Variants in AMIGO2 observed in about 807,000 individuals in gnomAD.
The protein encoded by AMIGO2 is amphoterin-induced protein 2.
In AMIGO2, 15 loss-of-function variants were observed where a neutral mutation model predicts 23.7. The ratio of observed to expected loss-of-function variants is 0.63; its 90% CI spans 0.42 to 0.98. The LOEUF is 0.98. Ranked by LOEUF, AMIGO2 falls within the 50% of genes least tolerant of loss-of-function variation. AMIGO2 has a pLI of 0.00. For missense variants in AMIGO2, 561 were observed against 633.1 expected, an observed-to-expected ratio of 0.89 and a Z score of 1.22; for synonymous variants, 264 against 252.3, an observed-to-expected ratio of 1.05 and a Z score of -0.44.
rs772510114 is a variant in AMIGO2 at position 47,078,637 on chromosome 12, A to C, written c.366T>G (p.Leu122=). The C allele has an allele frequency of 2.5e-6, 4 of 1,614,264 alleles. No individual in the cohort carries two copies. Among genetic ancestry groups the C allele is most frequent in the Middle Eastern group, 1.6e-4 (1 of 6,062 alleles). ...SFSTTPNLKC[L]DLSSNKLKTV... ...TCTTCAGCTTATTGGACGATAAGTC[A>C]AGACACTTCAAATTTGGAGTTGTGG... The change falls in exon 3 of 3, where the codon CTT becomes CTG. Residue 122 remains leucine, a synonymous_variant. Transcript: ENST00000550413.
chr12:47,079,027 C>T lies in AMIGO2; in HGVS notation c.-25G>A, dbSNP rs78132511. 2.0e-3 allele frequency: 3,136 copies of T among 1,538,066 alleles called. 72 individuals carry two copies. The African/African-American group carries it at 0.038, about 18-fold the overall frequency. On this transcript the variant is annotated 5_prime_UTR_variant, in exon 3 of 3. Transcript: ENST00000550413. The stretch of plus-strand genomic sequence containing the variant: ...TTATGGTCGCCTCTGAGTCTCTTCC[C>T]GGTGTCTTTTCCACCGGCTCAGCCT...
chr12:47,077,503 C>T lies in AMIGO2; in HGVS notation c.1500G>A (p.Thr500=). 3 of 1,614,196 alleles carry T rather than the reference C, an allele frequency of 1.9e-6. No homozygotes were observed. Among genetic ancestry groups the T allele is most frequent in the Non-Finnish European group, 2.5e-6 (3 of 1,180,022 alleles). The change falls in exon 3 of 3, where the codon ACG becomes ACA. Residue 500 remains threonine (T), a synonymous_variant. Transcript: ENST00000550413. ...CTGAATCTGAGTCAGATTTCCCCCT[C>T]GTGGACTTTAGGATGCCCTCAGCTA... is the stretch of plus-strand genomic sequence containing the variant. ...AVIAEGILKS[T]RGKSDSDSVN...
rs751545427 is a variant in AMIGO2 at position 47,078,819 on chromosome 12, C to T, written c.184G>A (p.Val62Met). Residue 62 changes from valine to methionine, a missense_variant, in exon 3 of 3, where the codon GTG (valine) becomes ATG (methionine). Coordinates refer to ENST00000550413, the MANE Select transcript of AMIGO2 (RefSeq NM_001370299.1). Reference sequence around the variant, plus strand: ...ATCAGTCTGAAAAGGTTCCCAGGCACCTTGGACAGGTTTTTGTTGGTGCAG... The same window carrying T: ...ATCAGTCTGAAAAGGTTCCCAGGCATCTTGGACAGGTTTTTGTTGGTGCAG... Reference protein sequence around the residue: ...VSCTNKNLSKVPGNLFRLIKR... With the variant: ...VSCTNKNLSKMPGNLFRLIKR... The T allele has an allele frequency of 3.7e-6, 6 of 1,614,092 alleles. No individual in the cohort carries two copies. Among genetic ancestry groups the T allele is most frequent in the Non-Finnish European group, 5.1e-6 (6 of 1,180,046 alleles).
rs752766077 is a variant in AMIGO2, at chr12:47,079,141, C to T, written c.-64+1G>A. The T allele has an allele frequency of 3.2e-5, 40 of 1,246,962 alleles. No homozygotes were observed. Among genetic ancestry groups the T allele is most frequent in the Non-Finnish European group, 4.4e-5 (40 of 917,090 alleles). 77.2% of individuals were successfully genotyped at this position (1,246,962 alleles called of 1,614,324 possible). ...CACTAGTTAACCCATAAGAGCCATA[C>T]CTTACTTTCTTTCCAATAACTTTTG... On this transcript the variant is annotated splice_donor_variant, in intron 2 of 2. Coordinates refer to ENST00000550413, the MANE Select transcript of AMIGO2 (RefSeq NM_001370299.1). LOFTEE classifies it low-confidence loss of function (5UTR_SPLICE).
At chr12:47,076,083 C>G (rs1941852256), downstream of AMIGO2, 1 of 152,184 alleles carries the variant, frequency 6.6e-6, no homozygotes. Context: ...AATCCCATTC[C>G]TGTATTCCTT....
chr12:47,077,389 A>G lies in AMIGO2; in HGVS notation c.*45T>C. The G allele has an allele frequency of 6.4e-7, 1 of 1,571,768 alleles. No homozygotes were observed. Among genetic ancestry groups the G allele is most frequent in the Middle Eastern group, 1.7e-4 (1 of 5,842 alleles). ...TTTTGCAGACCACACACAAAGTTAAATATGAACAGATTAAATTATGACATC... is the reference window on the plus strand; with the variant it reads ...TTTTGCAGACCACACACAAAGTTAAGTATGAACAGATTAAATTATGACATC... On this transcript the variant is annotated 3_prime_UTR_variant, in exon 3 of 3. Coordinates refer to ENST00000550413, the MANE Select transcript of AMIGO2 (RefSeq NM_001370299.1).
Position 47,076,606 on chromosome 12 carries a change from A to G in AMIGO2, c.*828T>C, listed in dbSNP as rs1941858570. On this transcript the variant is annotated 3_prime_UTR_variant, in exon 3 of 3. Transcript: ENST00000550413. ...TTAATTCAAATGTCCAAAGCACAGTACAGTAGGGTCTATTTAATAGTTCAC... is the reference window on the plus strand; with the variant it reads ...TTAATTCAAATGTCCAAAGCACAGTGCAGTAGGGTCTATTTAATAGTTCAC... The G allele has an allele frequency of 6.5e-6, 1 of 152,678 alleles. No individual in the cohort carries two copies. The highest frequency in any genetic ancestry group is 6.5e-5 in the Admixed American group (1 of 15,280). The allele number at this position is 152,678 out of a possible 1,614,324, so 9.5% of individuals were successfully genotyped here.
chr12:47,078,129 G>A lies in AMIGO2; in HGVS notation c.874C>T (p.Arg292Cys). ...CSDSIINGSF[R>C]ALGFIHEAQV... is the part of the protein sequence containing the mutation. Reference sequence around the variant, plus strand: ...GCCTCATGAATAAAGCCAAGCGCACGAAAGGAACCATTGATGATGCTGTCA... The same window carrying A: ...GCCTCATGAATAAAGCCAAGCGCACAAAAGGAACCATTGATGATGCTGTCA... Residue 292 changes from arginine (R) to cysteine (C), a missense_variant, in exon 3 of 3, where the codon CGT (arginine) becomes TGT (cysteine). Transcript: ENST00000550413. 1 of 1,614,150 alleles carries A rather than the reference G, an allele frequency of 6.2e-7. No homozygotes were observed. The highest frequency in any genetic ancestry group is 1.1e-5 in the South Asian group (1 of 91,076).
At position 47,079,559 on chromosome 12, in the gene AMIGO2, T is replaced by C. The variant is rs12301925; in HGVS notation, c.-268A>G. Reference sequence around the variant, plus strand: ...GTCCGTGTCTGTCACTCTTGCACCTTCCGACTTCCTTTCCCTCCGGCTCCC... The same window carrying C: ...GTCCGTGTCTGTCACTCTTGCACCTCCCGACTTCCTTTCCCTCCGGCTCCC... On this transcript the variant is annotated 5_prime_UTR_variant, in exon 1 of 3. Transcript: ENST00000550413. 0.31 allele frequency: 46,822 copies of C among 152,190 alleles called. 7,309 individuals are homozygous for C. The highest frequency in any genetic ancestry group is 0.38 in the Middle Eastern group (112 of 296). 9.4% of individuals were successfully genotyped at this position (152,190 alleles called of 1,614,324 possible). A position where few individuals can be genotyped will look rare whatever the true frequency, so the allele number is the denominator to read the frequency against.
Position 47,078,148 on chromosome 12 carries a change from G to A in AMIGO2, c.855C>T (p.Ser285=). ...GCGCACGAAAGGAACCATTGATGAT[G>A]CTGTCAGAGCAATTCATAAAGCTAT... ...LQDSFMNCSD[S]IINGSFRALG... The change falls in exon 3 of 3, where the codon AGC becomes AGT. Residue 285 remains serine, a synonymous_variant. Coordinates refer to ENST00000550413, the MANE Select transcript of AMIGO2 (RefSeq NM_001370299.1). 6 of 1,614,190 alleles carry A rather than the reference G, an allele frequency of 3.7e-6. No homozygotes were observed. The highest frequency in any genetic ancestry group is 5.1e-6 in the Non-Finnish European group (6 of 1,180,048).
In AMIGO2 at chr12:47,078,548, T is replaced by C. The variant is rs531062336; in HGVS notation, c.455A>G (p.His152Arg). 1 of 1,614,192 alleles carries C rather than the reference T, an allele frequency of 6.2e-7. No individual in the cohort carries two copies. The highest frequency in any genetic ancestry group is 1.3e-5 in the African/African-American group (1 of 75,050). ...CGCTGAAGGATCGAGATAGGATATGTGATTGTTGTAAAGCAGAAGCACTTC... is the reference window on the plus strand; with the variant it reads ...CGCTGAAGGATCGAGATAGGATATGCGATTGTTGTAAAGCAGAAGCACTTC... ...VLEVLLLYNN[H>R]ISYLDPSAFG... The change falls in exon 3 of 3, where the codon CAC becomes CGC. Residue 152 changes from histidine to arginine, a missense_variant. Coordinates refer to ENST00000550413, the MANE Select transcript of AMIGO2 (RefSeq NM_001370299.1).
chr12:47,078,963 C>T lies in AMIGO2; in HGVS notation c.40G>A (p.Ala14Thr), dbSNP rs1242440642. 3.1e-6 allele frequency: 5 copies of T among 1,613,358 alleles called. No individual in the cohort carries two copies. The highest frequency in any genetic ancestry group is 2.2e-5 in the South Asian group (2 of 90,968). ...RVHTLPTLLG[A>T]VVRPGCRELL... ...TCCCTGCAGCCCGGTCTGACGACGG[C>T]TCCAAGCAGGGTGGGCAGAGTGTGT... The change falls in exon 3 of 3, where the codon GCC becomes ACC. Residue 14 changes from alanine (A) to threonine (T), a missense_variant. Ala to Thr is a moderately conservative substitution (Grantham distance 58). Coordinates refer to ENST00000550413, the MANE Select transcript of AMIGO2 (RefSeq NM_001370299.1).
chr12:47,078,304 G>A lies in AMIGO2; in HGVS notation c.699C>T (p.Asp233=), dbSNP rs763238452. The A allele has an allele frequency of 6.2e-7, 1 of 1,613,960 alleles. No homozygotes were observed. The highest frequency in any genetic ancestry group is 8.5e-7 in the Non-Finnish European group (1 of 1,180,020). The stretch of plus-strand genomic sequence containing the variant: ...AGACCAGCAAGGAGTACAGGGAACA[G>A]TCACAGACAAATGGGTTTCCATGAA... The part of the protein sequence containing the change: ...IYLHGNPFVC[D]CSLYSLLVFW... Residue 233 remains aspartate, a synonymous_variant, in exon 3 of 3, where the codon GAC becomes GAT. Coordinates refer to ENST00000550413, the MANE Select transcript of AMIGO2 (RefSeq NM_001370299.1).
At position 47,077,777 on chromosome 12, in the gene AMIGO2, C is replaced by T. The variant is rs759383253; in HGVS notation, c.1226G>A (p.Ser409Asn). The T allele has an allele frequency of 6.2e-7, 1 of 1,614,188 alleles. No homozygotes were observed. Among genetic ancestry groups the T allele is most frequent in the African/African-American group, 1.3e-5 (1 of 75,062 alleles). The stretch of plus-strand genomic sequence containing the variant: ...GAGGTACAAAAGTACCAAAACGATA[C>T]TGGCCACGCAAGCAGCAAGAGTGGT... ...AFTTLAACVA[S>N]IVLVLLYLYL... The change falls in exon 3 of 3, where the codon AGT becomes AAT. Residue 409 changes from serine (S) to asparagine (N), a missense_variant. Ser to Asn is a conservative substitution (Grantham distance 46). Coordinates refer to ENST00000550413, the MANE Select transcript of AMIGO2 (RefSeq NM_001370299.1).
chr12:47,077,561 CCGT>C lies in AMIGO2; in HGVS notation c.1439_1441del (p.Asn480_Gly481delinsArg), dbSNP rs759651263. On this transcript the variant is annotated inframe_deletion, in exon 3 of 3. Coordinates refer to ENST00000550413, the MANE Select transcript of AMIGO2 (RefSeq NM_001370299.1). ...CTCGCTGGGAAAGAGCCTGACTTTC[CCGT>C]TCTGCCCTGCTGCAGTATCCTTCAG... is the stretch of plus-strand genomic sequence containing the variant. The C allele has an allele frequency of 6.8e-6, 11 of 1,614,106 alleles. No individual in the cohort carries two copies. Among genetic ancestry groups the C allele is most frequent in the Non-Finnish European group, 9.3e-6 (11 of 1,180,044 alleles).
At position 47,076,832 on chromosome 12, in the gene AMIGO2, A is replaced by T. The variant is rs1941861208; in HGVS notation, c.*602T>A. The stretch of plus-strand genomic sequence containing the variant: ...ATGTACAAAATGAAAAGACAGGCAA[A>T]CAAATGTACTTTCCTTGCACTATTT... On this transcript the variant is annotated 3_prime_UTR_variant, in exon 3 of 3. Coordinates refer to ENST00000550413, the MANE Select transcript of AMIGO2 (RefSeq NM_001370299.1). The T allele has an allele frequency of 6.6e-6, 1 of 152,244 alleles. No homozygotes were observed. Among genetic ancestry groups the T allele is most frequent in the Non-Finnish European group, 1.5e-5 (1 of 68,038 alleles). 9.4% of individuals were successfully genotyped at this position (152,244 alleles called of 1,614,324 possible). A position where few individuals can be genotyped will look rare whatever the true frequency, so the allele number is the denominator to read the frequency against.
chr12:47,077,583 C>A lies in AMIGO2; in HGVS notation c.1420G>T (p.Asp474Tyr). ...TTCCCGTTCTGCCCTGCTGCAGTATCCTTCAGGGGTTCCAAAAACACCACT... is the reference window on the plus strand; with the variant it reads ...TTCCCGTTCTGCCCTGCTGCAGTATACTTCAGGGGTTCCAAAAACACCACT... ...KRVVFLEPLK[D>Y]TAAGQNGKVR... Residue 474 changes from aspartate (D) to tyrosine (Y), a missense_variant, in exon 3 of 3, where the codon GAT (aspartate) becomes TAT (tyrosine). Transcript: ENST00000550413. 2.5e-6 allele frequency: 4 copies of A among 1,614,210 alleles called. No homozygotes were observed. The highest frequency in any genetic ancestry group is 3.4e-6 in the Non-Finnish European group (4 of 1,180,040).
chr12:47,077,823 C>T lies in AMIGO2; in HGVS notation c.1180G>A (p.Glu394Lys). The change falls in exon 3 of 3, where the codon GAG (glutamate) becomes AAG (lysine). Residue 394 changes from glutamate to lysine, a missense_variant. Transcript: ENST00000550413. ...NFTVSRSHAH[E>K]AFNTAFTTLA... is the part of the protein sequence containing the mutation. ...GTGGTAAAAGCTGTGTTAAATGCCT[C>T]ATGAGCATGGGATCTGCTTACAGTG... 1 of 1,614,202 alleles carries T rather than the reference C, an allele frequency of 6.2e-7. No homozygotes were observed. The highest frequency in any genetic ancestry group is 1.7e-5 in the Admixed American group (1 of 60,026).
In AMIGO2 at chr12:47,078,395, C is replaced by T; in HGVS notation, c.608G>A (p.Arg203Gln). 1.9e-6 allele frequency: 3 copies of T among 1,614,030 alleles called. No individual in the cohort carries two copies. The highest frequency in any genetic ancestry group is 1.6e-4 in the Middle Eastern group (1 of 6,062). Residue 203 changes from arginine to glutamine, a missense_variant, in exon 3 of 3, where the codon CGA becomes CAA. Transcript: ENST00000550413. ...ELMFLDVSYN[R>Q]IPSMPMHHIN... is the part of the protein sequence containing the mutation. ...GTGGTGCATTGGCATGGAAGGAATT[C>T]GGTTATAAGAAACATCTAAAAACAT...
Sources: gnomAD v4.1 joint callset for allele counts on GRCh38, gnomAD v4.1.1 for gene constraint, MANE v1.5 for transcripts, NCBI Gene and HGNC (gene_info 2026-07-23, HGNC 2026-07-21) for gene names.